The following WWP2 variants were observed in gnomAD, a reference collection of about 807,000 sequenced individuals.
WWP2 encodes WW domain containing E3 ubiquitin protein ligase 2, also known as NEDD4-like E3 ubiquitin-protein ligase WWP2.
WWP2 carries 57 observed loss-of-function variants against 121.0 expected under a neutral mutation model. The ratio of observed to expected loss-of-function variants is 0.47; its 90% CI spans 0.38 to 0.59. WWP2 has a LOEUF of 0.59. Among genes scored for constraint, WWP2 ranks in the 20% least tolerant of loss-of-function variants. WWP2 has a pLI of 0.00. For synonymous variants in WWP2, 449 were observed against 441.3 expected, an observed-to-expected ratio of 1.02 and a Z score of -0.22; for missense variants, 962 against 1,158.9, an observed-to-expected ratio of 0.83 and a Z score of 2.47.
intron 6 of WWP2, among the ~76,000 whole-genome samples, chr16:69,860,651 CT>C (rs2057400207): frequency 6.6e-6 from 1 of 152,034 alleles, no homozygotes; most frequent in Admixed American, 6.6e-5. Context: ...TGAACATATT[CT>C]TTTTGGAGCC....
intron 6 of WWP2, among the ~76,000 whole-genome samples, chr16:69,863,771 TTCTC>T (rs1231784519): frequency 6.6e-6 from 1 of 152,228 alleles, no homozygotes; most frequent in Non-Finnish European, 1.5e-5. Flanking sequence ...TCTGTATTCT[TTCTC>T]TAAGTTTGAC....
intron 6 of WWP2, among the ~76,000 whole-genome samples, chr16:69,852,364 C>T (rs148896438): frequency 2.8e-4 from 42 of 151,150 alleles, no homozygotes; most frequent in South Asian, 6.3e-4. Flanking sequence ...GCACCCTCCA[C>T]CTCCTAGGTT....
At chr16:69,781,763 G>C (rs1460880420) in intron 1 of WWP2, among the ~76,000 whole-genome samples, 3 of 152,078 alleles carry the variant, frequency 2.0e-5, no homozygotes, top group Non-Finnish European at 2.9e-5. Flanking sequence ...CTTTGTATTT[G>C]AGTCTGGGAA....
intron 6 of WWP2, 32 bp from the exon 7 acceptor site, chr16:69,871,772 A>C (rs770120204): frequency 3.7e-6 from 6 of 1,613,086 alleles, no homozygotes; most frequent in Non-Finnish European, 4.2e-6. Flanking sequence ...ACAGTGACTT[A>C]TGTCTGTCTG....
At chr16:69,769,348 G>A (rs1319029407) in intron 1 of WWP2, among the ~76,000 whole-genome samples, 4 of 151,300 alleles carry the variant, frequency 2.6e-5, no homozygotes, top group Admixed American at 6.6e-5. Flanking sequence ...ATAGAAGTGG[G>A]TGCAAGGTTT....
Position 69,940,039 on chromosome 16 carries a change from G to A in WWP2, c.*99G>A. ...CCGCAGCCCTTGGGAGGCCCCCGTG[G>A]ATGTGGCCCTGTGTGGGACCACACT... On this transcript the variant is annotated 3_prime_UTR_variant, in exon 24 of 24. Transcript: ENST00000359154. 1 of 974,854 alleles carries A rather than the reference G, an allele frequency of 1.0e-6. No individual in the cohort carries two copies. Among genetic ancestry groups the A allele is most frequent in the Non-Finnish European group, 1.5e-6 (1 of 653,606 alleles). 60.4% of individuals were successfully genotyped at this position (974,854 alleles called of 1,614,324 possible). A position where few individuals can be genotyped will look rare whatever the true frequency, so the allele number is the denominator to read the frequency against.
At chr16:69,909,210 A>G in intron 9 of WWP2, 2 of 1,010,454 alleles carry the variant, frequency 2.0e-6, no homozygotes, top group Non-Finnish European at 2.4e-6. Context: ...AGAGGCTTCC[A>G]AGAGAGGGAA....
chr16:69,787,001 C>G lies in WWP2; in HGVS notation c.-10C>G, dbSNP rs377275994. On this transcript the variant is annotated 5_prime_UTR_variant, in exon 2 of 24. Coordinates refer to ENST00000359154, the MANE Select transcript of WWP2 (RefSeq NM_001270454.2). ...TTTTTCTGTTTGTCTTACAGCTTCA[C>G]GGTGATGATATGGCATCTGCCAGCT... 6.2e-7 allele frequency: 1 copy of G among 1,609,322 alleles called. No individual in the cohort carries two copies. The highest frequency in any genetic ancestry group is 1.3e-5 in the African/African-American group (1 of 74,768).
intron 16 of WWP2, among the ~76,000 whole-genome samples, chr16:69,932,353 C>A (rs912976655): frequency 6.6e-6 from 1 of 152,200 alleles, no homozygotes; most frequent in Non-Finnish European, 1.5e-5. Flanking sequence ...AACAAAAAAA[C>A]AAAATACGTG....
chr16:69,859,559 A>G (rs911183012), intron 6 of WWP2, among the ~76,000 whole-genome samples: 2 of 152,122 alleles, frequency 1.3e-5, no homozygotes, highest in Non-Finnish European at 2.9e-5. Flanking sequence ...CTGTCTCAAA[A>G]AAAAAGAAAA....
Position 69,925,432 on chromosome 16 carries a change from T to C in WWP2, c.1182T>C (p.Ser394=). The C allele has an allele frequency of 6.2e-7, 1 of 1,614,126 alleles. No individual in the cohort carries two copies. Among genetic ancestry groups the C allele is most frequent in the South Asian group, 1.1e-5 (1 of 91,080 alleles). Reference sequence around the variant, plus strand: ...TCTGCTGTGTTTCTTGTGTTTAGTCTTCGAGTGCTTCGACTGACCATGATC... The same window carrying C: ...TCTGCTGTGTTTCTTGTGTTTAGTCCTCGAGTGCTTCGACTGACCATGATC... ...QHFSQRFLYQ[S]SSASTDHDPL... is the part of the protein sequence containing the mutation. Residue 394 remains serine (S), a splice_region_variant and synonymous_variant, in exon 11 of 24, where the codon TCT becomes TCC. Transcript: ENST00000359154. The surrounding 1 kb of genome is among the most constrained non-coding windows in gnomAD (Gnocchi z 4.0).
At position 69,925,575 on chromosome 16, in the gene WWP2, G is replaced by C; in HGVS notation, c.1234+91G>C. 6.7e-7 allele frequency: 1 copy of C among 1,496,560 alleles called. No homozygotes were observed. Among genetic ancestry groups the C allele is most frequent in the Non-Finnish European group, 9.1e-7 (1 of 1,102,690 alleles). The allele number at this position is 1,496,560 out of a possible 1,614,324, so 92.7% of individuals were successfully genotyped here. The stretch of plus-strand genomic sequence containing the variant: ...CCGCGTGTCTTCCTTCCCTGTTCCT[G>C]TCCCTCTGTTTTCCATCTCTCCCCT... On this transcript the variant is annotated intron_variant, in intron 11 of 23. Transcript: ENST00000359154. The surrounding 1 kb of genome is among the most constrained non-coding windows in gnomAD (Gnocchi z 4.0).
At chr16:69,805,044 CTT>C (rs1318031530) in intron 4 of WWP2, among the ~76,000 whole-genome samples, 5 of 143,026 alleles carry the variant, frequency 3.5e-5, no homozygotes, top group Admixed American at 7.0e-5. Flanking sequence ...GCTTGGTAGA[CTT>C]TTTTTTTTTT....
At chr16:69,832,838 TG>T (rs1217535835) in intron 4 of WWP2, among the ~76,000 whole-genome samples, 1 of 150,248 alleles carries the variant, frequency 6.7e-6, no homozygotes, top group African/African-American at 2.5e-5. Context: ...CCACTGTGCC[TG>T]GCCCAACCTT....
intron 6 of WWP2, among the ~76,000 whole-genome samples, chr16:69,853,057 A>G (rs1383314697): frequency 6.6e-6 from 1 of 152,186 alleles, no homozygotes; most frequent in Non-Finnish European, 1.5e-5. Flanking sequence ...TATTCTTTGG[A>G]GACAGGGAAC....
intron 1 of WWP2, among the ~76,000 whole-genome samples, chr16:69,768,544 A>C (rs1350275403): frequency 1.3e-5 from 2 of 152,138 alleles, no homozygotes; most frequent in Non-Finnish European, 2.9e-5. Flanking sequence ...CAGGAGGCGG[A>C]GGTTGCAGTG....
intron 4 of WWP2, among the ~76,000 whole-genome samples, chr16:69,820,122 A>G (rs1186929550): frequency 2.6e-5 from 4 of 152,064 alleles, no homozygotes; most frequent in African/African-American, 9.7e-5. Flanking sequence ...AGTCCCAGCT[A>G]CTCAGGAGGG....
At chr16:69,786,936 TA>T in intron 1 of WWP2, 59 bp from the exon 2 acceptor site, 1 of 1,437,238 alleles carries the variant, frequency 7.0e-7, no homozygotes. Flanking sequence ...GAAATTGAGT[TA>T]AACTCCTCTG....
At position 69,822,506 on chromosome 16, in the gene WWP2, T is replaced by C. The variant is rs576562648; in HGVS notation, c.341-17620T>C. ...TACAGGATGATCTGGGAATGCATCA[T>C]GGGAGACTTTGCCTGGCCTGGGTGG... On this transcript the variant is annotated intron_variant, in intron 4 of 23. Coordinates refer to ENST00000359154, the MANE Select transcript of WWP2 (RefSeq NM_001270454.2). 5.5e-4 allele frequency among the ~76,000 whole-genome samples: 84 copies of C among 152,238 alleles called. No homozygotes were observed. In the Middle Eastern group the frequency reaches 0.01, roughly 18 times the overall value.
Sources: allele counts gnomAD v4.1 joint callset (sites outside exome capture counted in the v4.1 genomes callset), GRCh38; gene constraint gnomAD v4.1.1; non-coding constraint Gnocchi (gnomAD v3.1); transcripts MANE v1.5; gene names NCBI Gene and HGNC (gene_info 2026-07-23, HGNC 2026-07-21).